The following PDE4B variants were observed in gnomAD, a reference collection of about 807,000 sequenced individuals.
PDE4B encodes 3',5'-cyclic-AMP phosphodiesterase 4B.
In PDE4B, 20 loss-of-function variants were observed where a neutral mutation model predicts 82.2. That is an observed-to-expected ratio of 0.24 (90% CI 0.17 to 0.35). PDE4B has a LOEUF of 0.35. Among genes scored for constraint, PDE4B ranks in the 10% least tolerant of loss-of-function variants. PDE4B has a pLI of 1.00. For missense variants in PDE4B, 655 were observed against 907.2 expected (o/e 0.72, Z 3.57); for synonymous variants, 320 against 318.9 (o/e 1.00, Z -0.04).
intron 7 of PDE4B, among the ~76,000 whole-genome samples, chr1:66,283,186 T>C (rs1308568299): frequency 6.6e-6 from 1 of 152,122 alleles, no homozygotes; most frequent in Non-Finnish European, 1.5e-5. Context: ...ACTAATCATT[T>C]CTTAAACTTT....
intron 3 of PDE4B, among the ~76,000 whole-genome samples, chr1:66,017,912 G>A (rs897603585): frequency 3.3e-5 from 5 of 152,044 alleles, no homozygotes; most frequent in African/African-American, 1.2e-4. Context: ...AGTTGTATGT[G>A]GAAATTGGAA....
intron 3 of PDE4B, among the ~76,000 whole-genome samples, chr1:66,038,454 G>A (rs979347136): frequency 6.6e-6 from 1 of 152,054 alleles, no homozygotes; most frequent in African/African-American, 2.4e-5. Context: ...TGGGAGTGAA[G>A]AGAACATCCT....
chr1:66,156,984 A>G (rs753178611), intron 3 of PDE4B, among the ~76,000 whole-genome samples: 7 of 152,252 alleles, frequency 4.6e-5, no homozygotes, highest in Non-Finnish European at 1.0e-4. Flanking sequence ...CCCAATTTCT[A>G]TCTTCAACCC....
chr1:66,222,465 T>G (rs540545312), intron 3 of PDE4B, among the ~76,000 whole-genome samples: 7 of 152,348 alleles, frequency 4.6e-5, no homozygotes, highest in African/African-American at 1.4e-4. Flanking sequence ...AAAAGTTGAT[T>G]CCTTTCTACT....
At chr1:66,080,156 GCTATTGA>G (rs1393006075) in intron 3 of PDE4B, among the ~76,000 whole-genome samples, 1 of 152,074 alleles carries the variant, frequency 6.6e-6, no homozygotes, top group Admixed American at 6.6e-5. Context: ...AATAATGGGA[GCTATTGA>G]CCAGATTGAC....
intron 1 of PDE4B, among the ~76,000 whole-genome samples, chr1:65,899,559 G>A (rs764432814): frequency 2.0e-5 from 3 of 149,454 alleles, no homozygotes; most frequent in Non-Finnish European, 4.5e-5. Flanking sequence ...TTGCAAAAAC[G>A]TGGAACCAAC....
chr1:66,372,770 A>T lies in PDE4B; in HGVS notation c.*92A>T. 1 of 1,368,610 alleles carries T rather than the reference A, an allele frequency of 7.3e-7. No individual in the cohort carries two copies. Among genetic ancestry groups the T allele is most frequent in the Non-Finnish European group, 1.0e-6 (1 of 997,646 alleles). The allele number at this position is 1,368,610 out of a possible 1,614,324, so 84.8% of individuals were successfully genotyped here. The stretch of plus-strand genomic sequence containing the variant: ...GCCCACCATGGGGGCCAAGACCTGC[A>T]CAGGACAAGGGCCACCTGGCCTTTC... On this transcript the variant is annotated 3_prime_UTR_variant, in exon 17 of 17. Coordinates refer to ENST00000341517, the MANE Select transcript of PDE4B (RefSeq NM_002600.4).
chr1:66,049,197 G>A (rs1654884824), intron 3 of PDE4B, among the ~76,000 whole-genome samples: 1 of 151,932 alleles, frequency 6.6e-6, no homozygotes, highest in Admixed American at 6.6e-5. Context: ...ACTACTCTTT[G>A]CCTCAGTTTC....
chr1:66,207,016 A>G (rs748174736), intron 3 of PDE4B, among the ~76,000 whole-genome samples: 1 of 152,162 alleles, frequency 6.6e-6, no homozygotes, highest in Non-Finnish European at 1.5e-5. Context: ...ACTTGGTGAA[A>G]GATTACCAAA....
intron 3 of PDE4B, among the ~76,000 whole-genome samples, chr1:66,201,936 G>A (rs1649000168): frequency 6.6e-6 from 1 of 152,236 alleles, no homozygotes; most frequent in South Asian, 2.1e-4. Flanking sequence ...TAATTGTGAT[G>A]TTGGGGTGTC....
rs192759387 is a variant in PDE4B, at chr1:65,961,583, A to G, written c.281+42748A>G. Among the ~76,000 whole-genome samples the G allele has an allele frequency of 1.6e-4, 25 of 152,310 alleles. No homozygotes were observed. The East Asian group carries it at 4.6e-3, about 28-fold the overall frequency. On this transcript the variant is annotated intron_variant, in intron 3 of 16. Coordinates refer to ENST00000341517, the MANE Select transcript of PDE4B (RefSeq NM_002600.4). ...TCCCAAATAAATATAATTATCCACC[A>G]TTATACAGAGACTCTAAATAGCTTT...
intron 3 of PDE4B, among the ~76,000 whole-genome samples, chr1:65,919,373 T>C (rs1647199040): frequency 6.6e-6 from 1 of 152,222 alleles, no homozygotes; most frequent in South Asian, 2.1e-4. Context: ...AGTCTATATT[T>C]GTGAAAGAGG....
chr1:65,891,831 T>A (rs554701369), intron 1 of PDE4B, among the ~76,000 whole-genome samples: 1 of 152,166 alleles, frequency 6.6e-6, no homozygotes, highest in South Asian at 2.1e-4. Flanking sequence ...AACATAATAT[T>A]TTTACTTCTC....
chr1:66,153,516 A>G (rs1407566192), intron 3 of PDE4B, among the ~76,000 whole-genome samples: 1 of 151,948 alleles, frequency 6.6e-6, no homozygotes, highest in Non-Finnish European at 1.5e-5. Flanking sequence ...GTTTTATTTT[A>G]ATGTCTTTGT....
At chr1:66,196,225 G>A (rs761351413) in intron 3 of PDE4B, among the ~76,000 whole-genome samples, 14 of 152,182 alleles carry the variant, frequency 9.2e-5, no homozygotes, top group Non-Finnish European at 1.5e-4. Context: ...GGCAACTGGC[G>A]GCCCTGGGTT....
At chr1:65,829,847 C>T (rs751045140) in intron 1 of PDE4B, among the ~76,000 whole-genome samples, 1 of 152,120 alleles carries the variant, frequency 6.6e-6, no homozygotes, top group Non-Finnish European at 1.5e-5. Context: ...GGTACGATCT[C>T]ATGTTTAGCT....
chr1:66,204,556 C>T (rs998874504), intron 3 of PDE4B, among the ~76,000 whole-genome samples: 1 of 152,206 alleles, frequency 6.6e-6, no homozygotes, highest in African/African-American at 2.4e-5. Flanking sequence ...GGCAGGTGCC[C>T]CTCCCCCAGC....
chr1:66,250,400 G>A (rs1429253308), intron 4 of PDE4B, among the ~76,000 whole-genome samples: 1 of 152,100 alleles, frequency 6.6e-6, no homozygotes, highest in African/African-American at 2.4e-5. Context: ...AGTAATAAAG[G>A]AAACACTAGC....
chr1:66,039,031 T>C (rs145548284), intron 3 of PDE4B, among the ~76,000 whole-genome samples: 28 of 152,234 alleles, frequency 1.8e-4, no homozygotes, highest in African/African-American at 6.5e-4. Context: ...CAGAATTTGA[T>C]TTCTACCTCT....
Sources: allele counts gnomAD v4.1 joint callset (sites outside exome capture counted in the v4.1 genomes callset), GRCh38; gene constraint gnomAD v4.1.1; transcripts MANE v1.5; gene names NCBI Gene and HGNC (gene_info 2026-07-23, HGNC 2026-07-21).